SLC24A3: variants seen among roughly 807,000 people sequenced by gnomAD.
The protein encoded by SLC24A3 is sodium/potassium/calcium exchanger 3.
SLC24A3 carries 28 observed loss-of-function variants against 75.8 expected under a neutral mutation model. That is an observed-to-expected ratio of 0.37 (90% CI 0.27 to 0.51). The LOEUF is 0.51. Among genes scored for constraint, SLC24A3 ranks in the 20% least tolerant of loss-of-function variants. The pLI is 0.94. For synonymous variants in SLC24A3, 372 were observed against 334.1 expected (o/e 1.11, Z -1.24); for missense variants, 663 against 847.8 (o/e 0.78, Z 2.71).
intron 2 of SLC24A3, 54 bp from the exon 3 acceptor site, chr20:19,515,434 G>A: frequency 6.5e-7 from 1 of 1,549,018 alleles, no homozygotes; most frequent in African/African-American, 1.4e-5. Context: ...CAGACCTACA[G>A]CACTGAAAAT....
At chr20:19,315,024 T>C (rs995992067) in intron 2 of SLC24A3, among the ~76,000 whole-genome samples, 3 of 152,166 alleles carry the variant, frequency 2.0e-5, no homozygotes, top group African/African-American at 7.2e-5. Context: ...ATTTTCTAGG[T>C]GGTAGGGCCA....
At chr20:19,442,491 G>T (rs765342126) in intron 2 of SLC24A3, among the ~76,000 whole-genome samples, 14 of 152,098 alleles carry the variant, frequency 9.2e-5, no homozygotes, top group Non-Finnish European at 1.8e-4. Flanking sequence ...ATGCTCATTT[G>T]TCATCTGTAC....
intron 2 of SLC24A3, among the ~76,000 whole-genome samples, chr20:19,448,652 G>A (rs1036276897): frequency 3.3e-5 from 5 of 152,218 alleles, no homozygotes; most frequent in Non-Finnish European, 5.9e-5. Flanking sequence ...CTGGAGGTAT[G>A]AGACTGGGTT....
chr20:19,528,809 G>A (rs1490224928), intron 3 of SLC24A3, among the ~76,000 whole-genome samples: 2 of 152,114 alleles, frequency 1.3e-5, no homozygotes, highest in East Asian at 3.9e-4. Context: ...GGTATTTTTG[G>A]CAGTTAGCTT....
Position 19,391,733 on chromosome 20 carries a change from G to A in SLC24A3, c.271+110646G>A, listed in dbSNP as rs147756498. ...TTTGGGAGTCTTCAGTCTTTGGGAC[G>A]GGCCTTGGCTGACCCCAAGAGAGTT... is the stretch of plus-strand genomic sequence containing the variant. On this transcript the variant is annotated intron_variant, in intron 2 of 16. Transcript: ENST00000328041. Among the ~76,000 whole-genome samples the A allele has an allele frequency of 5.1e-4, 77 of 152,272 alleles. 1 individual carries two copies. The East Asian group carries it at 0.01, about 21-fold the overall frequency.
At chr20:19,329,647 A>G (rs1177805223) in intron 2 of SLC24A3, among the ~76,000 whole-genome samples, 1 of 152,244 alleles carries the variant, frequency 6.6e-6, no homozygotes, top group African/African-American at 2.4e-5. Flanking sequence ...TTTGCAGGGC[A>G]GTGAGATATA....
At chr20:19,408,421 G>A (rs1384454787) in intron 2 of SLC24A3, among the ~76,000 whole-genome samples, 6 of 141,490 alleles carry the variant, frequency 4.2e-5, no homozygotes, top group Non-Finnish European at 7.5e-5. Context: ...ACAGAGTCTC[G>A]CTCTGCCACC....
chr20:19,600,503 G>C (rs2031515262), intron 6 of SLC24A3, among the ~76,000 whole-genome samples: 1 of 152,206 alleles, frequency 6.6e-6, no homozygotes, highest in Non-Finnish European at 1.5e-5. Context: ...GGATTTTAAT[G>C]AAGTGCTACT....
chr20:19,381,008 G>A (rs968441340), intron 2 of SLC24A3, among the ~76,000 whole-genome samples: 3 of 152,138 alleles, frequency 2.0e-5, no homozygotes, highest in Admixed American at 1.3e-4. Flanking sequence ...TAAGGGTCAG[G>A]GGGCAAAGGG....
chr20:19,248,824 A>T (rs1008825555), intron 1 of SLC24A3, among the ~76,000 whole-genome samples: 6 of 151,746 alleles, frequency 4.0e-5, no homozygotes, highest in Admixed American at 3.3e-4. Flanking sequence ...GACTTGAAAG[A>T]TGATGTCAGT....
Position 19,469,564 on chromosome 20 carries a change from C to A in SLC24A3, c.272-45924C>A, listed in dbSNP as rs775268857. Among the ~76,000 whole-genome samples, 10 of 152,116 alleles carry A rather than the reference C, an allele frequency of 6.6e-5. 1 individual carries two copies. The highest frequency in any genetic ancestry group is 2.2e-4 in the African/African-American group (9 of 41,422). On this transcript the variant is annotated intron_variant, in intron 2 of 16. Coordinates refer to ENST00000328041, the MANE Select transcript of SLC24A3 (RefSeq NM_020689.4). Reference sequence around the variant, plus strand: ...CAGAGTCAATGTTGCATGATGCCTTCATCTGAGGACATCCAGTAGACATCA... The same window carrying A: ...CAGAGTCAATGTTGCATGATGCCTTAATCTGAGGACATCCAGTAGACATCA...
At chr20:19,455,172 T>G (rs1987557487) in intron 2 of SLC24A3, among the ~76,000 whole-genome samples, 1 of 152,220 alleles carries the variant, frequency 6.6e-6, no homozygotes, top group African/African-American at 2.4e-5. Flanking sequence ...ACAGATCCTG[T>G]GAGCAAAAGC....
chr20:19,640,865 C>T (rs1031390338), intron 6 of SLC24A3, among the ~76,000 whole-genome samples: 1 of 152,086 alleles, frequency 6.6e-6, no homozygotes, highest in Non-Finnish European at 1.5e-5. Flanking sequence ...TAATTTATGA[C>T]CCTTTTGTCT....
chr20:19,281,566 A>G (rs1159188375), intron 2 of SLC24A3, among the ~76,000 whole-genome samples: 1 of 152,170 alleles, frequency 6.6e-6, no homozygotes, highest in African/African-American at 2.4e-5. Context: ...GTGAGATTTG[A>G]TATCTATTAT....
intron 15 of SLC24A3, among the ~76,000 whole-genome samples, chr20:19,700,120 G>A (rs151151217): frequency 1.3e-5 from 2 of 152,298 alleles, no homozygotes; most frequent in Admixed American, 1.3e-4. Context: ...AACTTTCGCA[G>A]AGAAGGTCAA....
intron 1 of SLC24A3, among the ~76,000 whole-genome samples, chr20:19,272,497 G>T (rs750381931): frequency 6.6e-6 from 1 of 152,258 alleles, no homozygotes; most frequent in Non-Finnish European, 1.5e-5. Context: ...CATGCTGCCT[G>T]TCTCACAAGC....
intron 6 of SLC24A3, among the ~76,000 whole-genome samples, chr20:19,643,374 C>T (rs1396346947): frequency 2.0e-5 from 3 of 152,172 alleles, no homozygotes; most frequent in Non-Finnish European, 2.9e-5. Context: ...TATTCTTCTT[C>T]GTTGTTAATT....
At chr20:19,627,202 AC>A (rs1158225581) in intron 6 of SLC24A3, among the ~76,000 whole-genome samples, 3 of 152,194 alleles carry the variant, frequency 2.0e-5, no homozygotes, top group African/African-American at 7.2e-5. Flanking sequence ...ATATGTGCCT[AC>A]CCTCAAGATG....
At chr20:19,230,865 G>A (rs1982001659) in intron 1 of SLC24A3, among the ~76,000 whole-genome samples, 1 of 152,122 alleles carries the variant, frequency 6.6e-6, no homozygotes, top group South Asian at 2.1e-4. Context: ...AAGGGTCATT[G>A]GGTCCTAATG....
Sources: allele counts gnomAD v4.1 joint callset (sites outside exome capture counted in the v4.1 genomes callset), GRCh38; gene constraint gnomAD v4.1.1; transcripts MANE v1.5; gene names NCBI Gene and HGNC (gene_info 2026-07-23, HGNC 2026-07-21).